Variants in ARHGAP42 observed in about 807,000 individuals in gnomAD.
The protein encoded by ARHGAP42 is Rho GTPase activating protein 42, also known as rho GTPase-activating protein 42.
In ARHGAP42, 63 loss-of-function variants were observed where a neutral mutation model predicts 125.0. The observed-to-expected ratio is 0.50, with a 90% CI of 0.41 to 0.62. ARHGAP42 has a LOEUF of 0.62. Ranked by LOEUF, ARHGAP42 falls within the 20% of genes least tolerant of loss-of-function variation. ARHGAP42 has a pLI of 0.00. For missense variants in ARHGAP42, 766 were observed against 1,024.2 expected (o/e 0.75, Z 3.44); for synonymous variants, 339 against 351.0 (o/e 0.97, Z 0.38).
chr11:100,847,593 G>A (rs149533137), intron 3 of ARHGAP42, among the ~76,000 whole-genome samples: 76 of 152,206 alleles, frequency 5.0e-4, no homozygotes, highest in Non-Finnish European at 8.7e-4. Context: ...TAGGTGGGTC[G>A]TGAAACACAG....
At chr11:100,898,674 G>A (rs1866429927) in intron 4 of ARHGAP42, among the ~76,000 whole-genome samples, 1 of 152,004 alleles carries the variant, frequency 6.6e-6, no homozygotes, top group Non-Finnish European at 1.5e-5. Flanking sequence ...ATTTCTGTGA[G>A]GTCGGTGGTG....
chr11:100,851,997 G>C (rs1390204148), intron 3 of ARHGAP42, among the ~76,000 whole-genome samples: 1 of 152,158 alleles, frequency 6.6e-6, no homozygotes, highest in Non-Finnish European at 1.5e-5. Context: ...GGTTCTGTGA[G>C]CCACTATGAG....
At chr11:100,971,500 T>C (rs2135314218) in intron 17 of ARHGAP42, among the ~76,000 whole-genome samples, 1 of 152,180 alleles carries the variant, frequency 6.6e-6, no homozygotes, top group South Asian at 2.1e-4. Context: ...GCTGAAATGG[T>C]GAGTGGTGGG....
chr11:100,783,253 T>C (rs1433851851), intron 2 of ARHGAP42, among the ~76,000 whole-genome samples: 1 of 152,022 alleles, frequency 6.6e-6, no homozygotes, highest in African/African-American at 2.4e-5. Flanking sequence ...CTGGGGAATA[T>C]GGGGAAACTC....
At chr11:100,729,970 C>T (rs1481742208) in intron 1 of ARHGAP42, among the ~76,000 whole-genome samples, 2 of 151,946 alleles carry the variant, frequency 1.3e-5, no homozygotes, top group African/African-American at 4.8e-5. Context: ...ACCACCACAC[C>T]TGGCTAATTT....
chr11:100,904,850 G>T (rs1350595613), intron 4 of ARHGAP42, among the ~76,000 whole-genome samples: 2 of 152,194 alleles, frequency 1.3e-5, no homozygotes, highest in Non-Finnish European at 2.9e-5. Context: ...ATAAAATGAG[G>T]ATTTATTATT....
At chr11:100,932,840 A>G (rs1303437861) in intron 6 of ARHGAP42, among the ~76,000 whole-genome samples, 2 of 152,128 alleles carry the variant, frequency 1.3e-5, no homozygotes, top group East Asian at 1.9e-4. Context: ...GGTGGGATCT[A>G]TGCTATTATA....
chr11:100,731,809 A>C (rs1182556267), intron 1 of ARHGAP42, among the ~76,000 whole-genome samples: 1 of 152,162 alleles, frequency 6.6e-6, no homozygotes, highest in African/African-American at 2.4e-5. Context: ...TTTCCATCAG[A>C]TCTTTGTTCA....
At chr11:100,812,987 T>G (rs1300385789) in intron 3 of ARHGAP42, among the ~76,000 whole-genome samples, 2 of 152,232 alleles carry the variant, frequency 1.3e-5, no homozygotes, top group Non-Finnish European at 2.9e-5. Flanking sequence ...CTTAGGAGGC[T>G]GTTTTCGTTA....
At chr11:100,941,554 A>G (rs1867884825) in intron 8 of ARHGAP42, among the ~76,000 whole-genome samples, 1 of 151,782 alleles carries the variant, frequency 6.6e-6, no homozygotes, top group African/African-American at 2.4e-5. Flanking sequence ...GTAACTCACA[A>G]GTTTTACAAA....
intron 1 of ARHGAP42, among the ~76,000 whole-genome samples, chr11:100,753,929 C>A (rs1356123672): frequency 1.3e-5 from 2 of 152,236 alleles, no homozygotes; most frequent in Non-Finnish European, 2.9e-5. Flanking sequence ...GGTTTCTTCC[C>A]ATTTTCCTGT....
intron 3 of ARHGAP42, chr11:100,839,869 T>C (rs1256615057): frequency 3.3e-5 from 5 of 152,104 alleles, no homozygotes; most frequent in Non-Finnish European, 7.4e-5. Context: ...TTCAAATAAT[T>C]GGTGATTCTT....
At chr11:100,760,423 G>T (rs1359203834) in intron 1 of ARHGAP42, among the ~76,000 whole-genome samples, 1 of 152,178 alleles carries the variant, frequency 6.6e-6, no homozygotes, top group African/African-American at 2.4e-5. Flanking sequence ...TAAAGGCTAG[G>T]TGCAGTGGCT....
At chr11:100,977,280 G>A (rs112652210) in intron 21 of ARHGAP42, among the ~76,000 whole-genome samples, 1 of 152,180 alleles carries the variant, frequency 6.6e-6, no homozygotes, top group African/African-American at 2.4e-5. Flanking sequence ...AACTAAAAGT[G>A]TTCCCATTAA....
intron 9 of ARHGAP42, among the ~76,000 whole-genome samples, chr11:100,942,824 A>C (rs1365695850): frequency 7.9e-5 from 12 of 152,134 alleles, no homozygotes; most frequent in Non-Finnish European, 1.5e-5. Context: ...CTTAGTTGCT[A>C]CCATCCTGGG....
chr11:100,709,142 C>T (rs188415162), intron 1 of ARHGAP42, among the ~76,000 whole-genome samples: 89 of 152,194 alleles, frequency 5.8e-4, no homozygotes, highest in Non-Finnish European at 9.7e-4. Flanking sequence ...TGGTTTCAAG[C>T]GATTCTCCTG....
At chr11:100,947,108 TAA>T (rs1245494484) in intron 10 of ARHGAP42, among the ~76,000 whole-genome samples, 1 of 152,036 alleles carries the variant, frequency 6.6e-6, no homozygotes, top group Non-Finnish European at 1.5e-5. Flanking sequence ...GAAGTTGCAG[TAA>T]AGTCTTCAAT....
At chr11:100,771,827 C>T (rs1042371676) in intron 2 of ARHGAP42, among the ~76,000 whole-genome samples, 6 of 152,040 alleles carry the variant, frequency 3.9e-5, no homozygotes, top group Non-Finnish European at 8.8e-5. Flanking sequence ...GTCTTGAACT[C>T]CTGACCTTGT....
intron 1 of ARHGAP42, among the ~76,000 whole-genome samples, chr11:100,716,590 A>G (rs1861664551): frequency 6.6e-6 from 1 of 151,770 alleles, no homozygotes; most frequent in Admixed American, 6.6e-5. Flanking sequence ...TTGTGGTTTT[A>G]TATCGTATAG....
Sources: allele counts gnomAD v4.1 joint callset (sites outside exome capture counted in the v4.1 genomes callset), GRCh38; gene constraint gnomAD v4.1.1; transcripts MANE v1.5; gene names NCBI Gene and HGNC (gene_info 2026-07-23, HGNC 2026-07-21).